Variants in GALNT13 observed in about 807,000 individuals in gnomAD.
GALNT13 encodes the protein UDP-GalNAc:polypeptide N-acetylgalactosaminyltransferase 13.
In GALNT13, 28 loss-of-function variants were observed where a neutral mutation model predicts 64.2. The ratio of observed to expected loss-of-function variants is 0.44; its 90% confidence interval spans 0.32 to 0.60. The LOEUF (loss-of-function observed/expected upper bound fraction) is 0.60. Ranked by LOEUF, GALNT13 falls within the 20% of genes least tolerant of loss-of-function variation. The probability of loss-of-function intolerance (pLI) is 0.05; values close to 1 mark genes in which losing one functional copy is unlikely to be tolerated. For missense variants in GALNT13, 577 were observed against 669.8 expected (o/e 0.86, Z 1.53); for synonymous variants, 214 against 224.6 (o/e 0.95, Z 0.42).
At chr2:153,842,644 A>AT in the GALNT13 span, among the ~76,000 whole-genome samples, 2 of 152,030 alleles carry the variant, frequency 1.3e-5, no homozygotes, top group East Asian at 1.9e-4. Flanking sequence ...TTTATCCTTC[A>AT]TTTTTTAAAA....
intron 8 of GALNT13, among the ~76,000 whole-genome samples, chr2:154,278,399 T>G (rs971583228): frequency 3.9e-5 from 6 of 152,120 alleles, no homozygotes; most frequent in African/African-American, 1.4e-4. Flanking sequence ...AGCTCTTGAT[T>G]CTATAAAGTT....
At chr2:153,517,109 A>G in the GALNT13 span, among the ~76,000 whole-genome samples, 4 of 152,182 alleles carry the variant, frequency 2.6e-5, no homozygotes, top group Non-Finnish European at 5.9e-5. Flanking sequence ...TTGCTATTGC[A>G]AGGGACTAGT....
the GALNT13 span, among the ~76,000 whole-genome samples, chr2:153,096,029 A>C: frequency 1.4e-5 from 2 of 141,522 alleles, no homozygotes; most frequent in Non-Finnish European, 3.1e-5. Flanking sequence ...CTTAAAGTAT[A>C]ATAAAATAAG....
chr2:153,702,130 C>T, the GALNT13 span, among the ~76,000 whole-genome samples: 2 of 152,126 alleles, frequency 1.3e-5, no homozygotes, highest in Non-Finnish European at 2.9e-5. Flanking sequence ...TACATATACA[C>T]CATGGAATAC....
At chr2:153,410,560 G>A in the GALNT13 span, among the ~76,000 whole-genome samples, 139 of 152,174 alleles carry the variant, frequency 9.1e-4, 1 homozygote, top group East Asian at 0.025. Context: ...GAGAAGGGAG[G>A]AAAGAGAAAG....
At chr2:153,782,110 A>T in the GALNT13 span, among the ~76,000 whole-genome samples, 1 of 152,208 alleles carries the variant, frequency 6.6e-6, no homozygotes, top group Non-Finnish European at 1.5e-5. Flanking sequence ...CTAGTACCTC[A>T]GAATGTGACT....
intron 3 of GALNT13, among the ~76,000 whole-genome samples, chr2:153,946,071 A>T (rs1187721663): frequency 6.6e-6 from 1 of 152,084 alleles, no homozygotes; most frequent in Non-Finnish European, 1.5e-5. Flanking sequence ...TTTAGTTAAA[A>T]CCCCAGAATT....
intron 3 of GALNT13, among the ~76,000 whole-genome samples, chr2:154,019,488 G>T (rs748761301): frequency 5.9e-5 from 9 of 151,496 alleles, no homozygotes; most frequent in Non-Finnish European, 1.2e-4. Flanking sequence ...CAAAAAATTA[G>T]CTGGGTGTGG....
the GALNT13 span, among the ~76,000 whole-genome samples, chr2:153,340,019 G>T: frequency 7.5e-4 from 114 of 152,164 alleles, no homozygotes; most frequent in Non-Finnish European, 1.5e-3. Context: ...AATATAATTT[G>T]AAAGAGGATG....
At chr2:154,341,766 C>T (rs1695785827) in intron 9 of GALNT13, among the ~76,000 whole-genome samples, 1 of 152,042 alleles carries the variant, frequency 6.6e-6, no homozygotes, top group South Asian at 2.1e-4. Flanking sequence ...AGAAATCACT[C>T]TGAATCCTCT....
chr2:153,227,080 C>T, the GALNT13 span, among the ~76,000 whole-genome samples: 1 of 152,126 alleles, frequency 6.6e-6, no homozygotes, highest in Non-Finnish European at 1.5e-5. Context: ...GAGATCACAT[C>T]ATGTGATGGG....
At chr2:153,701,896 T>G in the GALNT13 span, among the ~76,000 whole-genome samples, 1 of 152,142 alleles carries the variant, frequency 6.6e-6, no homozygotes, top group African/African-American at 2.4e-5. Context: ...TCTAAATTAG[T>G]TCAACCACGG....
chr2:154,424,988 G>A (rs1306622018), intron 11 of GALNT13, among the ~76,000 whole-genome samples: 2 of 152,176 alleles, frequency 1.3e-5, no homozygotes, highest in Non-Finnish European at 2.9e-5. Context: ...CCCAATGCAA[G>A]CATTGTGGTA....
chr2:154,416,623 A>G (rs1480312620), intron 11 of GALNT13, among the ~76,000 whole-genome samples: 2 of 152,130 alleles, frequency 1.3e-5, no homozygotes, highest in Admixed American at 6.6e-5. Context: ...ATCCAAAGAA[A>G]AGAAACGTTT....
intron 9 of GALNT13, among the ~76,000 whole-genome samples, chr2:154,387,796 A>G (rs1698587142): frequency 6.6e-6 from 1 of 152,162 alleles, no homozygotes; most frequent in Non-Finnish European, 1.5e-5. Flanking sequence ...TGCATAGAAT[A>G]CAACACTCTC....
At chr2:154,106,415 A>G (rs1702618302) in intron 3 of GALNT13, among the ~76,000 whole-genome samples, 1 of 152,148 alleles carries the variant, frequency 6.6e-6, no homozygotes, top group Non-Finnish European at 1.5e-5. Flanking sequence ...CAAGTTCTCT[A>G]GCACCATTTG....
chr2:154,191,396 T>C (rs1026336179), intron 4 of GALNT13, among the ~76,000 whole-genome samples: 1 of 152,130 alleles, frequency 6.6e-6, no homozygotes, highest in African/African-American at 2.4e-5. Context: ...AGAAAAGAGC[T>C]TGGAAAGCTG....
chr2:153,213,568 A>C, the GALNT13 span, among the ~76,000 whole-genome samples: 1 of 152,204 alleles, frequency 6.6e-6, no homozygotes, highest in Non-Finnish European at 1.5e-5. Context: ...AGGGATAAGA[A>C]AAGGGGAAAG....
chr2:153,106,191 A>T, the GALNT13 span, among the ~76,000 whole-genome samples: 1 of 152,188 alleles, frequency 6.6e-6, no homozygotes. Context: ...CAACACTTGG[A>T]TTTCAAAATG....
Sources: allele counts gnomAD v4.1 joint callset (sites outside exome capture counted in the v4.1 genomes callset), GRCh38; gene constraint gnomAD v4.1.1; transcripts MANE v1.5; gene names NCBI Gene and HGNC (gene_info 2026-07-23, HGNC 2026-07-21).